Variants in PLEKHM2 observed in about 807,000 individuals in gnomAD.
PLEKHM2 encodes pleckstrin homology domain-containing family M member 2.
PLEKHM2 carries 77 observed loss-of-function variants against 116.3 expected under a neutral mutation model. The observed-to-expected ratio is 0.66, with a 90% CI of 0.55 to 0.80. PLEKHM2 has a LOEUF of 0.80. Among genes scored for constraint, PLEKHM2 ranks in the 30% least tolerant of loss-of-function variants. The pLI is 0.00. For synonymous variants in PLEKHM2, 562 were observed against 571.0 expected (o/e 0.98, Z 0.22); for missense variants, 1,183 against 1,354.9 (o/e 0.87, Z 1.99).
Position 15,733,915 on chromosome 1 carries a change from C to T in PLEKHM2, c.3041C>T (p.Ser1014Phe). ...RSDSLCRGRA[S>F]RDPWC is the part of the protein sequence containing the mutation. ...GACAGTCTCTGCCGCGGCCGAGCCTCCCGAGACCCCTGGTGCTGAGGCAGA... is the reference window on the plus strand; with the variant it reads ...GACAGTCTCTGCCGCGGCCGAGCCTTCCGAGACCCCTGGTGCTGAGGCAGA... Residue 1014 changes from serine (S) to phenylalanine (F), a missense_variant, in exon 20 of 20, where the codon TCC (serine) becomes TTC (phenylalanine). Transcript: ENST00000375799. 1 of 1,612,552 alleles carries T rather than the reference C, an allele frequency of 6.2e-7. No individual in the cohort carries two copies. The highest frequency in any genetic ancestry group is 8.5e-7 in the Non-Finnish European group (1 of 1,179,670).
chr1:15,684,522 CGGTGGCGGTGGCGGT>C lies in PLEKHM2; in HGVS notation c.-34_-20del, dbSNP rs1640721564. 9.3e-7 allele frequency: 1 copy of C among 1,080,058 alleles called. No individual in the cohort carries two copies. Among genetic ancestry groups the C allele is most frequent in the African/African-American group, 2.0e-5 (1 of 50,300 alleles). 66.9% of individuals were successfully genotyped at this position (1,080,058 alleles called of 1,614,324 possible). A position where few individuals can be genotyped will look rare whatever the true frequency, so the allele number is the denominator to read the frequency against. ...GGAAGCGGCGGCGGGGCGGCGGCGG[CGGTGGCGGTGGCGGT>C]GGCGGCGACGGTGGCAGCGCCATGG... On this transcript the variant is annotated 5_prime_UTR_variant, in exon 1 of 20. Transcript: ENST00000375799.
chr1:15,723,479 C>G (rs1315227655), intron 7 of PLEKHM2: 2 of 150,270 alleles, frequency 1.3e-5, no homozygotes, highest in Non-Finnish European at 3.0e-5. Flanking sequence ...CAGGCTCACA[C>G]CTGTAATCCC....
At chr1:15,730,167 A>G (rs2068120510) in intron 14 of PLEKHM2, among the ~76,000 whole-genome samples, 1 of 152,180 alleles carries the variant, frequency 6.6e-6, no homozygotes, top group African/African-American at 2.4e-5. Flanking sequence ...TCGGCAGGGC[A>G]CAGTGGCTCA....
At position 15,719,762 on chromosome 1, in the gene PLEKHM2, A is replaced by G; in HGVS notation, c.494A>G (p.Tyr165Cys). 1.2e-6 allele frequency: 2 copies of G among 1,613,032 alleles called. No individual in the cohort carries two copies. The highest frequency in any genetic ancestry group is 4.5e-5 in the East Asian group (2 of 44,848). Residue 165 changes from tyrosine to cysteine, a missense_variant, in exon 6 of 20, where the codon TAC becomes TGC. Transcript: ENST00000375799. This position sits in a 1 kb window ranked among gnomAD's most constrained non-coding sequence, Gnocchi z 4.1. ...GCCCCTTACCTAGACCTGGCCCCCT[A>G]CATGCCCGACTACTACAAACCTCAG... ...LDAPYLDLAP[Y>C]MPDYYKPQYL...
At chr1:15,704,281 C>G (rs1057334054) in intron 1 of PLEKHM2, among the ~76,000 whole-genome samples, 7 of 151,920 alleles carry the variant, frequency 4.6e-5, no homozygotes, top group African/African-American at 1.7e-4. Flanking sequence ...TTTACTGTCT[C>G]TTCCTCCACT....
In PLEKHM2 at chr1:15,689,037, T is replaced by C. The variant is rs569811253; in HGVS notation, c.60+4419T>C. Among the ~76,000 whole-genome samples the C allele has an allele frequency of 3.3e-5, 5 of 151,492 alleles. No homozygotes were observed. In the South Asian group the frequency reaches 8.4e-4, roughly 25 times the overall value. Reference sequence around the variant, plus strand: ...GCCGAGGCGGGCGGATCACCTGAGGTCAGGAGATCGAGACCGGCCTGACCA... The same window carrying C: ...GCCGAGGCGGGCGGATCACCTGAGGCCAGGAGATCGAGACCGGCCTGACCA... On this transcript the variant is annotated intron_variant, in intron 1 of 19. Transcript: ENST00000375799.
At chr1:15,701,347 C>T (rs1413787987) in intron 1 of PLEKHM2, among the ~76,000 whole-genome samples, 2 of 150,128 alleles carry the variant, frequency 1.3e-5, no homozygotes, top group Admixed American at 6.7e-5. Context: ...GCAGGAGAAT[C>T]GGCTGAACCT....
chr1:15,687,738 C>G (rs1640802210), intron 1 of PLEKHM2, among the ~76,000 whole-genome samples: 1 of 152,130 alleles, frequency 6.6e-6, no homozygotes, highest in South Asian at 2.1e-4. Context: ...GTTAGTTTGG[C>G]TACAGCAGTA....
chr1:15,728,844 G>A lies in PLEKHM2; in HGVS notation c.1986+111G>A, dbSNP rs1222492708. On this transcript the variant is annotated intron_variant, in intron 12 of 19. Transcript: ENST00000375799. This position sits in a 1 kb window ranked among gnomAD's most constrained non-coding sequence, Gnocchi z 5.9. ...GGCCCCTTACTCCCCTCCCGGGGTT[G>A]GGCACCAACTTAACTCTCAGAGAGG... is the stretch of plus-strand genomic sequence containing the variant. 7.7e-6 allele frequency: 8 copies of A among 1,037,298 alleles called. No homozygotes were observed. The highest frequency in any genetic ancestry group is 1.2e-5 in the Non-Finnish European group (8 of 687,604). 64.3% of individuals were successfully genotyped at this position (1,037,298 alleles called of 1,614,324 possible).
chr1:15,682,220 G>A (rs1056996092), upstream of PLEKHM2, among the ~76,000 whole-genome samples: 5 of 150,882 alleles, frequency 3.3e-5, no homozygotes, highest in Non-Finnish European at 5.9e-5. Context: ...AGGCCAAGGC[G>A]GGCAGATCAC....
In PLEKHM2 at chr1:15,728,832, C is replaced by G. The variant is rs2068100659; in HGVS notation, c.1986+99C>G. 3.5e-6 allele frequency: 4 copies of G among 1,154,876 alleles called. No individual in the cohort carries two copies. In the South Asian group the frequency reaches 5.3e-5, roughly 15 times the overall value. 71.5% of individuals were successfully genotyped at this position (1,154,876 alleles called of 1,614,324 possible). A position where few individuals can be genotyped will look rare whatever the true frequency, so the allele number is the denominator to read the frequency against. On this transcript the variant is annotated intron_variant, in intron 12 of 19. Transcript: ENST00000375799. The surrounding 1 kb of genome is among the most constrained non-coding windows in gnomAD (Gnocchi z 5.9). The stretch of plus-strand genomic sequence containing the variant: ...AGGGCGAGGCACGGCCCCTTACTCC[C>G]CTCCCGGGGTTGGGCACCAACTTAA...
chr1:15,726,293 A>G (rs10927842), intron 8 of PLEKHM2, among the ~76,000 whole-genome samples: 2,503 of 152,348 alleles, frequency 0.016, 80 homozygotes, highest in African/African-American at 0.057. Flanking sequence ...GGTGGCCAGC[A>G]GGGACTGTCA....
chr1:15,713,625 TG>T (rs1272150073), intron 1 of PLEKHM2, among the ~76,000 whole-genome samples: 8 of 146,138 alleles, frequency 5.5e-5, no homozygotes, highest in African/African-American at 2.2e-4. Flanking sequence ...GTTTTTTGTT[TG>T]TTTGTTTGTT....
chr1:15,733,199 CA>C (rs1357951874), intron 19 of PLEKHM2, among the ~76,000 whole-genome samples: 1 of 152,218 alleles, frequency 6.6e-6, no homozygotes, highest in Non-Finnish European at 1.5e-5. Flanking sequence ...CTGACAGGCA[CA>C]AAAACTTAGA....
intron 1 of PLEKHM2, among the ~76,000 whole-genome samples, chr1:15,690,991 A>G (rs1026836855): frequency 2.0e-5 from 3 of 152,256 alleles, no homozygotes; most frequent in African/African-American, 7.2e-5. Context: ...GGAGACGATC[A>G]GGGAAGATTC....
chr1:15,692,279 G>A, intron 1 of PLEKHM2, among the ~76,000 whole-genome samples: 1 of 152,176 alleles, frequency 6.6e-6, no homozygotes, highest in Non-Finnish European at 1.5e-5. Flanking sequence ...AAATCCCTAA[G>A]GACCTGAGTC....
Position 15,721,264 on chromosome 1 carries a change from C to A in PLEKHM2, c.653-65C>A. The A allele has an allele frequency of 1.0e-6, 1 of 954,116 alleles. No individual in the cohort carries two copies. Among genetic ancestry groups the A allele is most frequent in the East Asian group, 2.7e-5 (1 of 37,598 alleles). 59.1% of individuals were successfully genotyped at this position (954,116 alleles called of 1,614,324 possible). A position where few individuals can be genotyped will look rare whatever the true frequency, so the allele number is the denominator to read the frequency against. ...TGTCTCCCACCCCATTTCCCCTCCCCTCCCTCCAGTCATCCTTCCACTGCC... is the reference window on the plus strand; with the variant it reads ...TGTCTCCCACCCCATTTCCCCTCCCATCCCTCCAGTCATCCTTCCACTGCC... On this transcript the variant is annotated intron_variant, in intron 6 of 19. Coordinates refer to ENST00000375799, the MANE Select transcript of PLEKHM2 (RefSeq NM_015164.4). This position sits in a 1 kb window ranked among gnomAD's most constrained non-coding sequence, Gnocchi z 5.1.
At chr1:15,710,034 C>T (rs1414739633) in intron 1 of PLEKHM2, among the ~76,000 whole-genome samples, 1 of 151,772 alleles carries the variant, frequency 6.6e-6, no homozygotes. Flanking sequence ...ACCATCCTGG[C>T]TAACGTGGTG....
intron 1 of PLEKHM2, among the ~76,000 whole-genome samples, chr1:15,713,601 A>C (rs2148353990): frequency 6.6e-6 from 1 of 152,156 alleles, no homozygotes; most frequent in Admixed American, 6.5e-5. Flanking sequence ...ATTCAAGAGA[A>C]TGAATAATAT....
Sources: allele counts gnomAD v4.1 joint callset (sites outside exome capture counted in the v4.1 genomes callset), GRCh38; gene constraint gnomAD v4.1.1; non-coding constraint Gnocchi (gnomAD v3.1); transcripts MANE v1.5; gene names NCBI Gene and HGNC (gene_info 2026-07-23, HGNC 2026-07-21).